The following CNIH3 variants were observed in gnomAD, a reference collection of about 807,000 sequenced individuals.
CNIH3 encodes cornichon family AMPA receptor auxiliary protein 3.
CNIH3 carries 14 observed loss-of-function variants against 24.1 expected under a neutral mutation model. The ratio of observed to expected loss-of-function variants is 0.58; its 90% CI spans 0.38 to 0.91. CNIH3 has a LOEUF of 0.91. Among genes scored for constraint, CNIH3 ranks in the 40% least tolerant of loss-of-function variants. The pLI is 0.00. For missense variants in CNIH3, 178 were observed against 196.8 expected, an observed-to-expected ratio of 0.90 and a Z score of 0.57; for synonymous variants, 68 against 73.8, an observed-to-expected ratio of 0.92 and a Z score of 0.40.
intron 4 of CNIH3, among the ~76,000 whole-genome samples, chr1:224,582,237 A>G (rs185882765): frequency 7.9e-5 from 12 of 152,122 alleles, no homozygotes; most frequent in African/African-American, 2.9e-4. Context: ...TATTTCTTTT[A>G]ACTGCTATTT....
chr1:224,534,849 G>A (rs940952715), intron 2 of CNIH3, among the ~76,000 whole-genome samples: 59 of 152,260 alleles, frequency 3.9e-4, no homozygotes, highest in African/African-American at 1.3e-3. Context: ...AACAAGTCCC[G>A]GAGGTTGGTC....
chr1:224,707,287 G>A (rs1255003199), intron 3 of CNIH3, among the ~76,000 whole-genome samples: 1 of 152,130 alleles, frequency 6.6e-6, no homozygotes, highest in African/African-American at 2.4e-5. Context: ...GGAAAGAAAA[G>A]TTCATTTTAA....
chr1:224,605,083 T>G (rs886699836), intron 3 of CNIH3, among the ~76,000 whole-genome samples: 2 of 152,048 alleles, frequency 1.3e-5, no homozygotes, highest in African/African-American at 4.8e-5. Flanking sequence ...GGCATGACAG[T>G]GTAGAAAACC....
chr1:224,662,520 A>C (rs971165899), intron 1 of CNIH3, among the ~76,000 whole-genome samples: 1 of 152,230 alleles, frequency 6.6e-6, no homozygotes, highest in Non-Finnish European at 1.5e-5. Flanking sequence ...TGACACTTTA[A>C]AATATCTAAC....
intron 1 of CNIH3, among the ~76,000 whole-genome samples, chr1:224,678,989 C>T (rs2125140906): frequency 6.6e-6 from 1 of 152,076 alleles, no homozygotes; most frequent in South Asian, 2.1e-4. Context: ...TGCCGTTGTG[C>T]AAAAGCAGTA....
At chr1:224,678,090 G>A (rs1572707400) in intron 1 of CNIH3, among the ~76,000 whole-genome samples, 1 of 152,166 alleles carries the variant, frequency 6.6e-6, no homozygotes, top group African/African-American at 2.4e-5. Flanking sequence ...TGACGATACT[G>A]TGTTTATTAG....
intron 1 of CNIH3, among the ~76,000 whole-genome samples, chr1:224,627,187 C>T (rs1683578255): frequency 6.6e-6 from 1 of 152,120 alleles, no homozygotes; most frequent in Non-Finnish European, 1.5e-5. Context: ...CTTTGGTAGC[C>T]TCATTCTGGC....
chr1:224,556,983 C>T (rs1363532462), intron 3 of CNIH3, among the ~76,000 whole-genome samples: 1 of 152,182 alleles, frequency 6.6e-6, no homozygotes, highest in Non-Finnish European at 1.5e-5. Flanking sequence ...TCTGAGCAGC[C>T]TTGGTGAAGG....
At chr1:224,549,592 A>G (rs745493697) in intron 3 of CNIH3, among the ~76,000 whole-genome samples, 29 of 152,142 alleles carry the variant, frequency 1.9e-4, no homozygotes, top group African/African-American at 3.1e-4. Context: ...CAGAGGCTGT[A>G]AATACGGAAT....
chr1:224,477,833 T>G (rs1247375170), intron 1 of CNIH3, among the ~76,000 whole-genome samples: 3 of 152,238 alleles, frequency 2.0e-5, no homozygotes, highest in African/African-American at 7.2e-5. Flanking sequence ...CTTTAGCATT[T>G]CTTGTAGGAA....
rs536734998 is a variant in CNIH3, at chr1:224,727,295, A to ACAC, written c.199-3165_199-3164insCCA. ...CTATGGCAAAACAACAACAACAACA[A>ACAC]CAACACTCAACTCTTGGCAGCTTAA... On this transcript the variant is annotated intron_variant, in intron 3 of 5. Coordinates refer to ENST00000272133, the MANE Select transcript of CNIH3 (RefSeq NM_152495.2). 2.8e-3 allele frequency among the ~76,000 whole-genome samples: 422 copies of ACAC among 152,324 alleles called. 2 individuals are homozygous for ACAC. Among genetic ancestry groups the ACAC allele is most frequent in the Non-Finnish European group, 3.8e-3 (258 of 68,022 alleles).
At chr1:224,619,771 T>G (rs1035516049) in intron 1 of CNIH3, among the ~76,000 whole-genome samples, 2 of 152,256 alleles carry the variant, frequency 1.3e-5, no homozygotes, top group Non-Finnish European at 2.9e-5. Context: ...GTGTGATATA[T>G]ATCAGTACCC....
chr1:224,434,756 T>A (rs571156479), exon 1 of CNIH3: 1 of 986,414 alleles, frequency 1.0e-6, no homozygotes, highest in Admixed American at 6.2e-5. Context: ...CGCTCCGCTC[T>A]GCTCCCTGGT....
intron 2 of CNIH3, among the ~76,000 whole-genome samples, chr1:224,536,284 CTTTTTTTTTTTTT>C (rs373201561): frequency 1.2e-5 from 1 of 86,046 alleles, no homozygotes; most frequent in East Asian, 4.0e-4. Flanking sequence ...TAATTGTTGT[CTTTTTTTTTTTTT>C]TTTTTTTTTT....
intron 3 of CNIH3, among the ~76,000 whole-genome samples, chr1:224,719,938 T>C (rs1339737644): frequency 1.3e-5 from 2 of 152,202 alleles, no homozygotes; most frequent in Admixed American, 1.3e-4. Flanking sequence ...GACAAACACA[T>C]ATGCATGTGC....
chr1:224,638,232 C>G (rs537804582), intron 1 of CNIH3, among the ~76,000 whole-genome samples: 73 of 152,312 alleles, frequency 4.8e-4, no homozygotes, highest in African/African-American at 1.7e-3. Flanking sequence ...TTACAGCCTG[C>G]GCACCCAGGG....
At chr1:224,658,689 T>C (rs1281276528) in intron 1 of CNIH3, among the ~76,000 whole-genome samples, 1 of 150,388 alleles carries the variant, frequency 6.6e-6, no homozygotes, top group Non-Finnish European at 1.5e-5. Context: ...AAAGACAGCA[T>C]GGGGCCAACT....
intron 1 of CNIH3, among the ~76,000 whole-genome samples, chr1:224,638,121 C>G (rs1479256404): frequency 3.3e-5 from 5 of 152,256 alleles, no homozygotes; most frequent in African/African-American, 1.2e-4. Context: ...CGCCTTGCGG[C>G]TGTGCATGTG....
chr1:224,520,795 C>T (rs1678594728), intron 1 of CNIH3, among the ~76,000 whole-genome samples: 1 of 152,122 alleles, frequency 6.6e-6, no homozygotes, highest in African/African-American at 2.4e-5. Flanking sequence ...AAGAGAGGCT[C>T]ATGTGTGTTT....
Sources: allele counts gnomAD v4.1 joint callset (sites outside exome capture counted in the v4.1 genomes callset), GRCh38; gene constraint gnomAD v4.1.1; transcripts MANE v1.5; gene names NCBI Gene and HGNC (gene_info 2026-07-23, HGNC 2026-07-21).